PURG: variants seen among roughly 807,000 people sequenced by gnomAD.
PURG encodes the protein purine rich element binding protein G.
In PURG, 3 loss-of-function variants were observed where a neutral mutation model predicts 24.3. That is an observed-to-expected ratio of 0.12 (90% CI 0.06 to 0.32). The LOEUF (loss-of-function observed/expected upper bound fraction) is 0.32. Among genes scored for constraint, PURG ranks in the 10% least tolerant of loss-of-function variants. The pLI, the probability that PURG is intolerant of heterozygous loss-of-function variation, is 1.00. For synonymous variants in PURG, 180 were observed against 173.1 expected (o/e 1.04, Z -0.31); for missense variants, 371 against 439.1 (o/e 0.84, Z 1.39).
At chr8:31,020,061 C>T (rs919588026) in intron 1 of PURG, among the ~76,000 whole-genome samples, 6 of 152,002 alleles carry the variant, frequency 3.9e-5, no homozygotes, top group African/African-American at 7.2e-5. Context: ...ATTCCAGCTA[C>T]TCGGGAGGCT....
intron 1 of PURG, among the ~76,000 whole-genome samples, chr8:31,007,629 CAA>C (rs748191698): frequency 9.9e-5 from 15 of 152,070 alleles, no homozygotes; most frequent in Non-Finnish European, 2.2e-4. Flanking sequence ...TAAATGATGT[CAA>C]AGTCATACAA....
At chr8:31,005,908 G>A (rs903277485) in intron 1 of PURG, among the ~76,000 whole-genome samples, 4 of 151,902 alleles carry the variant, frequency 2.6e-5, no homozygotes, top group Admixed American at 2.6e-4. Flanking sequence ...GGAGCAACAG[G>A]ACACCACCAG....
At chr8:31,019,073 G>A (rs1433074579) in intron 1 of PURG, among the ~76,000 whole-genome samples, 7 of 119,638 alleles carry the variant, frequency 5.9e-5, no homozygotes, top group South Asian at 6.3e-4. Flanking sequence ...GCAGTGAGCC[G>A]AGATCGCGCC....
intron 1 of PURG, among the ~76,000 whole-genome samples, chr8:30,998,404 G>A (rs1210844525): frequency 1.3e-5 from 2 of 151,596 alleles, no homozygotes; most frequent in African/African-American, 2.4e-5. Context: ...CTATACAGAC[G>A]AATAGCTAGT....
chr8:30,997,780 T>C (rs1810458347), intron 1 of PURG, among the ~76,000 whole-genome samples: 1 of 151,694 alleles, frequency 6.6e-6, no homozygotes, highest in African/African-American at 2.4e-5. Context: ...CTTGAGAGGG[T>C]TGAACCCTTT....
Position 31,032,582 on chromosome 8 carries a change from G to C in PURG, c.201C>G (p.Ile67Met). The C allele has an allele frequency of 6.2e-7, 1 of 1,612,408 alleles. No homozygotes were observed. The highest frequency in any genetic ancestry group is 1.3e-5 in the African/African-American group (1 of 74,990). The change falls in exon 2 of 2, where the codon ATC becomes ATG. Residue 67 changes from isoleucine (I) to methionine (M), a missense_variant. Ile to Met is a conservative substitution (Grantham distance 10). Transcript: ENST00000523392. The surrounding 1 kb of genome is among the most constrained non-coding windows in gnomAD (Gnocchi z 5.9). ...IQELASKRVDIQKKRFYLDVK... is the reference protein window; with the variant it reads ...IQELASKRVDMQKKRFYLDVK... ...CGTCTAGGTAAAACCTCTTTTTCTGGATGTCCACTCGTTTGGAGGCCAGCT... is the reference window on the plus strand; with the variant it reads ...CGTCTAGGTAAAACCTCTTTTTCTGCATGTCCACTCGTTTGGAGGCCAGCT...
chr8:31,031,605 G>T lies in PURG; in HGVS notation c.*134C>A. The stretch of plus-strand genomic sequence containing the variant: ...ACATAACATGAGAATCAGACTTCCT[G>T]AAGTATCAACTACTAGAGGTATTAC... On this transcript the variant is annotated 3_prime_UTR_variant, in exon 2 of 2. Transcript: ENST00000523392. 1.3e-6 allele frequency: 1 copy of T among 749,142 alleles called. No homozygotes were observed. Among genetic ancestry groups the T allele is most frequent in the Non-Finnish European group, 2.1e-6 (1 of 471,440 alleles). 46.4% of individuals were successfully genotyped at this position (749,142 alleles called of 1,614,324 possible). A position where few individuals can be genotyped will look rare whatever the true frequency, so the allele number is the denominator to read the frequency against.
At chr8:31,018,458 T>C (rs1425982802) in intron 1 of PURG, among the ~76,000 whole-genome samples, 1 of 152,206 alleles carries the variant, frequency 6.6e-6, no homozygotes, top group East Asian at 1.9e-4. Flanking sequence ...ATCCTTAAAG[T>C]TTGCCCTAAT....
chr8:31,026,455 T>C (rs1004420950), downstream of PURG, among the ~76,000 whole-genome samples: 1 of 151,480 alleles, frequency 6.6e-6, no homozygotes, highest in African/African-American at 2.4e-5. Flanking sequence ...ATGGGATTCA[T>C]TCAAAATTTC....
intron 1 of PURG, among the ~76,000 whole-genome samples, chr8:31,022,577 G>A (rs1285899479): frequency 2.6e-5 from 4 of 152,212 alleles, no homozygotes; most frequent in African/African-American, 4.8e-5. Flanking sequence ...AAATAGGATG[G>A]AGTGGGTCCA....
chr8:31,032,174 C>A lies in PURG; in HGVS notation c.609G>T (p.Met203Ile). The A allele has an allele frequency of 1.2e-6, 2 of 1,614,202 alleles. No homozygotes were observed. The highest frequency in any genetic ancestry group is 1.7e-6 in the Non-Finnish European group (2 of 1,180,028). Residue 203 changes from methionine to isoleucine, a missense_variant, in exon 2 of 2, where the codon ATG (methionine) becomes ATT (isoleucine). Physicochemically the swap from Met to Ile is conservative, Grantham distance 10. This residue lies in a region of PURG where 41 missense variants were observed against 29.8 expected (regional missense o/e 1.38). Transcript: ENST00000523392. The surrounding 1 kb of genome is among the most constrained non-coding windows in gnomAD (Gnocchi z 5.9). The stretch of plus-strand genomic sequence containing the variant: ...AATAACCTATCATGCCAGTCCCCCG[C>A]ATCATGGTTTGTCTAATCCGTAGGA... ...GRFLRIRQTMMRGTGMIGYFG... is the reference protein window; with the variant it reads ...GRFLRIRQTMIRGTGMIGYFG...
intron 1 of PURG, among the ~76,000 whole-genome samples, chr8:31,023,231 G>A (rs545526339): frequency 2.0e-5 from 3 of 152,290 alleles, no homozygotes; most frequent in South Asian, 2.1e-4. Context: ...CAACCAAATT[G>A]CTATTTTGAA....
intron 1 of PURG, among the ~76,000 whole-genome samples, chr8:30,996,903 G>C (rs1474153961): frequency 5.3e-5 from 8 of 151,668 alleles, no homozygotes; most frequent in Non-Finnish European, 1.2e-4. Context: ...AGGATTGATA[G>C]ATACAGGTAT....
chr8:31,017,402 A>G (rs1585361729), intron 1 of PURG, among the ~76,000 whole-genome samples: 1 of 132,820 alleles, frequency 7.5e-6, no homozygotes, highest in African/African-American at 2.4e-5. Flanking sequence ...CATACTCTCT[A>G]TAAGAGATTA....
chr8:30,995,848 CA>C (rs1810418747), exon 2 of PURG: 1 of 151,908 alleles, frequency 6.6e-6, no homozygotes, highest in Non-Finnish European at 1.5e-5. Flanking sequence ...TACTTTGAGA[CA>C]AATTCAAGTT....
chr8:30,997,406 G>A (rs79590065), intron 1 of PURG, among the ~76,000 whole-genome samples: 1,594 of 151,786 alleles, frequency 0.011, 28 homozygotes, highest in African/African-American at 0.036. Flanking sequence ...AATATATCTT[G>A]TTTTTAAAAG....
At chr8:31,013,923 A>G (rs1019082373) in intron 1 of PURG, among the ~76,000 whole-genome samples, 1 of 152,170 alleles carries the variant, frequency 6.6e-6, no homozygotes, top group East Asian at 1.9e-4. Flanking sequence ...GGAGCGCTGA[A>G]AACAAAAAAA....
chr8:31,004,796 T>G (rs1585353592), intron 1 of PURG, among the ~76,000 whole-genome samples: 1 of 152,342 alleles, frequency 6.6e-6, no homozygotes. Flanking sequence ...CAATTCCTGA[T>G]GCGAACTCAG....
intron 1 of PURG, among the ~76,000 whole-genome samples, chr8:30,997,710 G>T (rs575112190): frequency 1.3e-5 from 2 of 151,644 alleles, no homozygotes; most frequent in South Asian, 4.1e-4. Context: ...ATTTTCTGTT[G>T]AAAAAATTTC....
Sources: allele counts gnomAD v4.1 joint callset (sites outside exome capture counted in the v4.1 genomes callset), GRCh38; gene constraint gnomAD v4.1.1; regional missense constraint gnomAD v4.1.1; non-coding constraint Gnocchi (gnomAD v3.1); transcripts MANE v1.5; gene names NCBI Gene and HGNC (gene_info 2026-07-23, HGNC 2026-07-21).